HIVEP1: variants seen among roughly 807,000 people sequenced by gnomAD.
The protein encoded by HIVEP1 is zinc finger protein 40.
A neutral mutation model predicts 180.0 loss-of-function variants in HIVEP1; 36 were observed. The ratio of observed to expected loss-of-function variants is 0.20; its 90% CI spans 0.15 to 0.26. The LOEUF (loss-of-function observed/expected upper bound fraction) is 0.26. HIVEP1 is among the 10% of genes least tolerant of loss of function. HIVEP1 has a pLI of 1.00. For missense variants in HIVEP1, 3,143 were observed against 3,268.7 expected (o/e 0.96, Z 0.94); for synonymous variants, 1,239 against 1,239.0 (o/e 1.00, Z 0.00).
At chr6:12,058,417 T>C (rs191103622) in intron 2 of HIVEP1, among the ~76,000 whole-genome samples, 17 of 152,344 alleles carry the variant, frequency 1.1e-4, no homozygotes, top group African/African-American at 4.1e-4. Flanking sequence ...TGGCTGGCTC[T>C]TTTGAAGTTG....
chr6:12,046,876 T>TGTGTGTGTGTGTG (rs1561885761), intron 2 of HIVEP1, among the ~76,000 whole-genome samples: 27 of 151,010 alleles, frequency 1.8e-4, no homozygotes, highest in East Asian at 3.9e-4. Flanking sequence ...TGTGTGTGTG[T>TGTGTGTGTGTGTG]TTGAGATGGA....
intron 6 of HIVEP1, among the ~76,000 whole-genome samples, 197 bp downstream of exon 6, chr6:12,131,139 T>C (rs986504853): frequency 5.9e-5 from 9 of 151,828 alleles, no homozygotes; most frequent in African/African-American, 4.8e-5. Context: ...TGTACACTTT[T>C]AGAATAAATA....
chr6:12,125,445 T>A lies in HIVEP1; in HGVS notation c.5650T>A (p.Ser1884Thr). The change falls in exon 4 of 9, where the codon TCT becomes ACT. Residue 1884 changes from serine (S) to threonine (T), a missense_variant. Physicochemically the swap from Ser to Thr is moderately conservative, Grantham distance 58. This residue lies in a region of HIVEP1 where 1,357 missense variants were observed against 1,260.5 expected (regional missense o/e 1.08). Transcript: ENST00000379388. ...SPAPSENTHI[S>T]PLKCTDNNQE... ...TGCTCCTTCAGAAAATACTCATATT[T>A]CTCCTTTGAAATGTACAGACAATAA... 1 of 1,614,078 alleles carries A rather than the reference T, an allele frequency of 6.2e-7. No homozygotes were observed. The highest frequency in any genetic ancestry group is 8.5e-7 in the Non-Finnish European group (1 of 1,180,014).
intron 2 of HIVEP1, among the ~76,000 whole-genome samples, chr6:12,088,118 T>C (rs891337242): frequency 6.6e-6 from 1 of 152,166 alleles, no homozygotes; most frequent in Non-Finnish European, 1.5e-5. Context: ...GGCAGGTAGA[T>C]CAGAGTTTGA....
At chr6:12,205,836 C>T in the HIVEP1 span, among the ~76,000 whole-genome samples, 9 of 152,072 alleles carry the variant, frequency 5.9e-5, no homozygotes, top group East Asian at 1.7e-3. Flanking sequence ...GGTCAGGATC[C>T]ACACCCAGGT....
intron 3 of HIVEP1, among the ~76,000 whole-genome samples, chr6:12,108,542 G>T (rs546839716): frequency 6.6e-6 from 1 of 152,254 alleles, no homozygotes; most frequent in Non-Finnish European, 1.5e-5. Context: ...CCGCAGGAAG[G>T]CAGCTAATGC....
At chr6:12,150,961 G>A (rs1373882494) in intron 7 of HIVEP1, among the ~76,000 whole-genome samples, 1 of 152,116 alleles carries the variant, frequency 6.6e-6, no homozygotes, top group African/African-American at 2.4e-5. Flanking sequence ...TGCTACCCTC[G>A]GGAGCCCCTT....
At chr6:12,039,517 T>A (rs148067462) in intron 2 of HIVEP1, among the ~76,000 whole-genome samples, 1 of 152,230 alleles carries the variant, frequency 6.6e-6, no homozygotes, top group Non-Finnish European at 1.5e-5. Context: ...GGTCATCCTC[T>A]GTCCTTACCT....
chr6:12,135,990 G>T, intron 7 of HIVEP1, 98 bp downstream of exon 7: 1 of 651,020 alleles, frequency 1.5e-6, no homozygotes, highest in Non-Finnish European at 2.7e-6. Flanking sequence ...GCCTAATTCT[G>T]TTTTCATTAC....
intron 2 of HIVEP1, among the ~76,000 whole-genome samples, chr6:12,034,257 C>T (rs1187132213): frequency 6.6e-6 from 1 of 152,194 alleles, no homozygotes; most frequent in Non-Finnish European, 1.5e-5. Flanking sequence ...AAATGTGTCT[C>T]TTGAGGCTGG....
At chr6:12,102,828 A>G (rs1224640782) in intron 3 of HIVEP1, among the ~76,000 whole-genome samples, 1 of 152,220 alleles carries the variant, frequency 6.6e-6, no homozygotes, top group African/African-American at 2.4e-5. Flanking sequence ...AACTTTTAGT[A>G]CAGAAATACA....
chr6:12,077,684 A>G (rs1772459787), intron 2 of HIVEP1, among the ~76,000 whole-genome samples: 1 of 152,140 alleles, frequency 6.6e-6, no homozygotes, highest in South Asian at 2.1e-4. Flanking sequence ...TATAGTAGAA[A>G]ACTGAAGCAT....
In HIVEP1 at chr6:12,063,280, G is replaced by A. The variant is rs1771357355; in HGVS notation, c.41-25904G>A. ...TTCTTTGTCTTGGGCACTGTCCTGT[G>A]TGTCACGGGATATTTGACAGACTCC... On this transcript the variant is annotated intron_variant, in intron 2 of 8. Transcript: ENST00000379388. The surrounding 1 kb of genome is among the most constrained non-coding windows in gnomAD (Gnocchi z 4.2). Among the ~76,000 whole-genome samples the A allele has an allele frequency of 6.6e-6, 1 of 152,096 alleles. No individual in the cohort carries two copies. The highest frequency in any genetic ancestry group is 1.5e-5 in the Non-Finnish European group (1 of 68,020).
chr6:12,036,927 A>G (rs1769310872), intron 2 of HIVEP1, among the ~76,000 whole-genome samples: 1 of 152,178 alleles, frequency 6.6e-6, no homozygotes, highest in Non-Finnish European at 1.5e-5. Context: ...AAAAACAAAC[A>G]AACAAAAAAC....
the HIVEP1 span, among the ~76,000 whole-genome samples, chr6:12,194,544 T>C: frequency 6.6e-6 from 1 of 152,056 alleles, no homozygotes; most frequent in Non-Finnish European, 1.5e-5. Context: ...CTCACAGCTG[T>C]AATCCCAGCA....
downstream of HIVEP1, among the ~76,000 whole-genome samples, chr6:12,169,067 A>C (rs1166960855): frequency 6.6e-6 from 1 of 152,084 alleles, no homozygotes; most frequent in Non-Finnish European, 1.5e-5. Context: ...TTGTATTTTT[A>C]GTAGAGATGG....
chr6:12,181,068 AT>A, the HIVEP1 span, among the ~76,000 whole-genome samples: 2 of 152,086 alleles, frequency 1.3e-5, no homozygotes, highest in South Asian at 2.1e-4. Context: ...CTTAAGCAAA[AT>A]TTTTTTTAGA....
rs780743889 is a variant in HIVEP1 at position 12,129,730 on chromosome 6, A to C, written c.6076-29A>C. On this transcript the variant is annotated intron_variant, in intron 4 of 8. Coordinates refer to ENST00000379388, the MANE Select transcript of HIVEP1 (RefSeq NM_002114.4). ...GCATGCTTGTGTTTTCAGTTTTATT[A>C]AATTAGTTTCTCTCTTTTTTCCTTT... 5 of 1,556,896 alleles carry C rather than the reference A, an allele frequency of 3.2e-6. No individual in the cohort carries two copies. In the Admixed American group the frequency reaches 8.4e-5, roughly 26 times the overall value.
chr6:12,086,392 CTA>C (rs1270735140), intron 2 of HIVEP1, among the ~76,000 whole-genome samples: 1 of 152,072 alleles, frequency 6.6e-6, no homozygotes, highest in Non-Finnish European at 1.5e-5. Context: ...GTTTGTATAA[CTA>C]TTTTTATTTT....
Sources: allele counts gnomAD v4.1 joint callset (sites outside exome capture counted in the v4.1 genomes callset), GRCh38; gene constraint gnomAD v4.1.1; regional missense constraint gnomAD v4.1.1; non-coding constraint Gnocchi (gnomAD v3.1); transcripts MANE v1.5; gene names NCBI Gene and HGNC (gene_info 2026-07-23, HGNC 2026-07-21).